DTX4: variants seen among roughly 807,000 people sequenced by gnomAD.
DTX4 encodes the protein deltex E3 ubiquitin ligase 4, also known as E3 ubiquitin-protein ligase DTX4.
Under a neutral mutation model 57.6 loss-of-function variants are expected in DTX4, and 28 were observed. That is an observed-to-expected ratio of 0.49 (90% confidence interval 0.36 to 0.67). The LOEUF is 0.67. Ranked by LOEUF, DTX4 falls within the 30% of genes least tolerant of loss-of-function variation. The probability of loss-of-function intolerance (pLI) is 0.00; values close to 1 mark genes in which losing one functional copy is unlikely to be tolerated. For synonymous variants in DTX4, 316 were observed against 331.0 expected (o/e 0.95, Z 0.49); for missense variants, 715 against 836.8 (o/e 0.85, Z 1.80).
chr11:59,172,931 A>G, intron 1 of DTX4, 125 bp downstream of exon 1: 1 of 653,964 alleles, frequency 1.5e-6, no homozygotes, highest in South Asian at 2.1e-5. Context: ...TGTCACCAAG[A>G]GGTGGTGGTG....
At chr11:59,182,485 C>T (rs767105404) in intron 2 of DTX4, 23 bp downstream of exon 2, 7 of 1,570,362 alleles carry the variant, frequency 4.5e-6, no homozygotes, top group Non-Finnish European at 6.0e-6. Context: ...ACAGCTGCCT[C>T]AGAGCATTTA....
chr11:59,199,879 A>G (rs1352477946), intron 8 of DTX4, 106 bp downstream of exon 8: 5 of 906,330 alleles, frequency 5.5e-6, no homozygotes, highest in Non-Finnish European at 8.5e-6. Flanking sequence ...CAGACCAAAG[A>G]GAACTGTGTC....
At chr11:59,200,650 T>A (rs1862729930) in intron 8 of DTX4, among the ~76,000 whole-genome samples, 1 of 152,212 alleles carries the variant, frequency 6.6e-6, no homozygotes, top group African/African-American at 2.4e-5. Flanking sequence ...GAGAAAACAA[T>A]CATTGGGTTT....
intron 6 of DTX4, chr11:59,194,823 G>A (rs1862642019): frequency 4.0e-6 from 1 of 252,296 alleles, no homozygotes; most frequent in Non-Finnish European, 7.6e-6. Context: ...AGCTCTGTGG[G>A]TGATTCTGAT....
chr11:59,206,973 A>T lies in DTX4; in HGVS notation c.*2064A>T, dbSNP rs1304386113. 6.6e-6 allele frequency: 1 copy of T among 152,254 alleles called. No homozygotes were observed. The highest frequency in any genetic ancestry group is 2.4e-5 in the African/African-American group (1 of 41,440). The allele number at this position is 152,254 out of a possible 1,614,324, so 9.4% of individuals were successfully genotyped here. On this transcript the variant is annotated 3_prime_UTR_variant, in exon 9 of 9. Coordinates refer to ENST00000227451, the MANE Select transcript of DTX4 (RefSeq NM_015177.2). ...CCATAGTTAGGAAGGAAACACCTGA[A>T]CTAAATGGAAGAGACATCCCTGCGG...
In DTX4 at chr11:59,205,549, C is replaced by G. The variant is rs1220260392; in HGVS notation, c.*640C>G. 2 of 154,718 alleles carry G rather than the reference C, an allele frequency of 1.3e-5. No homozygotes were observed. Among genetic ancestry groups the G allele is most frequent in the Admixed American group, 6.4e-5 (1 of 15,726 alleles). The allele number at this position is 154,718 out of a possible 1,614,324, so 9.6% of individuals were successfully genotyped here. ...GTCCTTGGCTTCTCTGGGCCCTCCT[C>G]TCCTCCTCACAGCTCTCACCTGTCC... is the stretch of plus-strand genomic sequence containing the variant. On this transcript the variant is annotated 3_prime_UTR_variant, in exon 9 of 9. Transcript: ENST00000227451.
Position 59,205,218 on chromosome 11 carries a change from G to T in DTX4, c.*309G>T, listed in dbSNP as rs1189323666. Reference sequence around the variant, plus strand: ...ACCCCACCTCCCAAGTAGGGGCATGGTCAGCACACCTAGGGTATGGGCAGT... The same window carrying T: ...ACCCCACCTCCCAAGTAGGGGCATGTTCAGCACACCTAGGGTATGGGCAGT... On this transcript the variant is annotated 3_prime_UTR_variant, in exon 9 of 9. Coordinates refer to ENST00000227451, the MANE Select transcript of DTX4 (RefSeq NM_015177.2). 8.3e-6 allele frequency: 3 copies of T among 360,590 alleles called. No homozygotes were observed. The Admixed American group carries it at 1.1e-4, about 13-fold the overall frequency. The allele number at this position is 360,590 out of a possible 1,614,324, so 22.3% of individuals were successfully genotyped here.
intron 6 of DTX4, among the ~76,000 whole-genome samples, chr11:59,192,890 C>T (rs576173759): frequency 9.9e-5 from 15 of 152,182 alleles, no homozygotes; most frequent in Non-Finnish European, 1.6e-4. Context: ...AGAGCTGGTT[C>T]TTTGGAATCT....
chr11:59,199,248 A>G (rs1291913418), intron 7 of DTX4, among the ~76,000 whole-genome samples: 1 of 152,238 alleles, frequency 6.6e-6, no homozygotes, highest in Non-Finnish European at 1.5e-5. Context: ...AGCCACTAAT[A>G]TTACAGAAGC....
At chr11:59,199,911 C>A in intron 8 of DTX4, 138 bp downstream of exon 8, 1 of 707,394 alleles carries the variant, frequency 1.4e-6, no homozygotes, top group Non-Finnish European at 2.3e-6. Flanking sequence ...TAGATGCACA[C>A]AGTAACAAGG....
At chr11:59,187,351 G>A (rs191342730) in intron 2 of DTX4, among the ~76,000 whole-genome samples, 29 of 152,282 alleles carry the variant, frequency 1.9e-4, no homozygotes, top group African/African-American at 6.7e-4. Context: ...CTCTTGCATA[G>A]GATGTTGGAA....
At chr11:59,194,855 T>C in intron 6 of DTX4, 1 of 281,218 alleles carries the variant, frequency 3.6e-6, no homozygotes, top group Non-Finnish European at 6.7e-6. Flanking sequence ...GGGCAGTTGC[T>C]GCTCTCCAGG....
At chr11:59,203,919 T>A (rs1862770696) in intron 8 of DTX4, among the ~76,000 whole-genome samples, 1 of 152,206 alleles carries the variant, frequency 6.6e-6, no homozygotes, top group Non-Finnish European at 1.5e-5. Flanking sequence ...TGGTTTCCTC[T>A]CCTCCAGCCC....
intron 8 of DTX4, 23 bp from the exon 9 acceptor site, chr11:59,204,653 A>C (rs781201092): frequency 6.9e-6 from 11 of 1,597,624 alleles, no homozygotes; most frequent in Non-Finnish European, 9.4e-6. Flanking sequence ...TCTGCCTTTC[A>C]TGTCCCACTT....
Position 59,205,007 on chromosome 11 carries a change from C to A in DTX4, c.*98C>A. The A allele has an allele frequency of 9.2e-7, 1 of 1,087,518 alleles. No homozygotes were observed. The highest frequency in any genetic ancestry group is 1.3e-6 in the Non-Finnish European group (1 of 747,772). 67.4% of individuals were successfully genotyped at this position (1,087,518 alleles called of 1,614,324 possible). Reference sequence around the variant, plus strand: ...AGAAGAAGTTGGTGTCCTGCCCTCCCAACTTTCTATCCTCCCCTCCTGCCC... The same window carrying A: ...AGAAGAAGTTGGTGTCCTGCCCTCCAAACTTTCTATCCTCCCCTCCTGCCC... On this transcript the variant is annotated 3_prime_UTR_variant, in exon 9 of 9. Coordinates refer to ENST00000227451, the MANE Select transcript of DTX4 (RefSeq NM_015177.2).
chr11:59,190,339 T>C (rs1046618633), intron 4 of DTX4, among the ~76,000 whole-genome samples: 1 of 152,222 alleles, frequency 6.6e-6, no homozygotes. Context: ...AGTACATCCA[T>C]TTGCTCATTC....
rs749971231 is a variant in DTX4 at position 59,192,202 on chromosome 11, C to T, written c.1326C>T (p.His442=). The T allele has an allele frequency of 1.5e-5, 25 of 1,613,838 alleles. No individual in the cohort carries two copies. The South Asian group carries it at 1.8e-4, about 11-fold the overall frequency. The change falls in exon 6 of 9, where the codon CAC becomes CAT. Residue 442 remains histidine (H), a synonymous_variant. Coordinates refer to ENST00000227451, the MANE Select transcript of DTX4 (RefSeq NM_015177.2). ...DLVGKLSRCG[H]VYHIYCLVAM... is the part of the protein sequence containing the mutation. ...TAGGGAAGCTGTCCAGATGCGGCCACGTCTACCACATCTACTGCTTGGTTG... is the reference window on the plus strand; with the variant it reads ...TAGGGAAGCTGTCCAGATGCGGCCATGTCTACCACATCTACTGCTTGGTTG...
chr11:59,194,481 C>A (rs1862637839), intron 6 of DTX4, among the ~76,000 whole-genome samples: 2 of 152,180 alleles, frequency 1.3e-5, no homozygotes, highest in South Asian at 4.1e-4. Flanking sequence ...GTTTCCAAAC[C>A]TGTATGAGCA....
Position 59,201,052 on chromosome 11 carries a change from A to T in DTX4, c.1626+1279A>T, listed in dbSNP as rs572660888. On this transcript the variant is annotated intron_variant, in intron 8 of 8. Coordinates refer to ENST00000227451, the MANE Select transcript of DTX4 (RefSeq NM_015177.2). The stretch of plus-strand genomic sequence containing the variant: ...TTATGTCTCACAATTCTGGAACCTG[A>T]GAAGTCCAAGATCAAGGCACAGGCG... Among the ~76,000 whole-genome samples, 4 of 152,318 alleles carry T rather than the reference A, an allele frequency of 2.6e-5. No individual in the cohort carries two copies. In the East Asian group the frequency reaches 7.7e-4, roughly 29 times the overall value.
Sources: gnomAD v4.1 joint callset for allele counts (sites outside exome capture counted in the v4.1 genomes callset) on GRCh38, gnomAD v4.1.1 for gene constraint, MANE v1.5 for transcripts, NCBI Gene and HGNC (gene_info 2026-07-23, HGNC 2026-07-21) for gene names.